PPARD: variants seen among roughly 807,000 people sequenced by gnomAD.
PPARD encodes peroxisome proliferator activated receptor delta, also known as peroxisome proliferator-activated receptor delta.
Under a neutral mutation model 39.5 loss-of-function variants are expected in PPARD, and 6 were observed. That is an observed-to-expected ratio of 0.15 (90% confidence interval 0.08 to 0.30). The LOEUF is 0.30. Ranked by LOEUF, PPARD falls within the 10% of genes least tolerant of loss-of-function variation. The pLI is 1.00. For synonymous variants in PPARD, 210 were observed against 231.3 expected (o/e 0.91, Z 0.83); for missense variants, 397 against 596.8 (o/e 0.67, Z 3.49).
chr6:35,385,981 AG>A (rs1489418730), intron 2 of PPARD, among the ~76,000 whole-genome samples: 4 of 152,062 alleles, frequency 2.6e-5, no homozygotes, highest in African/African-American at 9.7e-5. Flanking sequence ...CAGAGTGCAA[AG>A]CCCCCAGAGG....
chr6:35,347,385 G>A (rs376031840), intron 2 of PPARD, among the ~76,000 whole-genome samples: 10 of 151,996 alleles, frequency 6.6e-5, no homozygotes, highest in African/African-American at 1.9e-4. Flanking sequence ...CCACCTTTGC[G>A]CCCATTAAAA....
intron 2 of PPARD, among the ~76,000 whole-genome samples, chr6:35,407,808 A>G (rs1422378101): frequency 1.3e-5 from 2 of 151,892 alleles, no homozygotes; most frequent in Non-Finnish European, 2.9e-5. Context: ...TTAAAAAAAA[A>G]AAAAGCTGAC....
chr6:35,374,417 G>A lies in PPARD; in HGVS notation c.-102+27267G>A, dbSNP rs566772158. On this transcript the variant is annotated intron_variant, in intron 2 of 7. Coordinates refer to ENST00000360694, the MANE Select transcript of PPARD (RefSeq NM_006238.5). ...TCATGCCTGTAATCCCAGCACTTTGGGAGGCCGAGGCGGGCGGATCACAAG... is the reference window on the plus strand; with the variant it reads ...TCATGCCTGTAATCCCAGCACTTTGAGAGGCCGAGGCGGGCGGATCACAAG... Among the ~76,000 whole-genome samples the A allele has an allele frequency of 3.9e-5, 6 of 152,070 alleles. No individual in the cohort carries two copies. The South Asian group carries it at 1.2e-3, about 32-fold the overall frequency.
At chr6:35,395,588 A>T (rs550906266) in intron 2 of PPARD, among the ~76,000 whole-genome samples, 2 of 152,338 alleles carry the variant, frequency 1.3e-5, no homozygotes, top group East Asian at 3.9e-4. Flanking sequence ...CAGAGGTTTC[A>T]CCTAGAGAAG....
intron 2 of PPARD, among the ~76,000 whole-genome samples, chr6:35,397,977 C>T (rs1338230023): frequency 6.6e-6 from 1 of 152,066 alleles, no homozygotes; most frequent in Non-Finnish European, 1.5e-5. Flanking sequence ...CTGCAAAGGC[C>T]CACTGAAGGC....
chr6:35,405,000 T>TAC (rs1047997658), intron 2 of PPARD, among the ~76,000 whole-genome samples: 3 of 142,432 alleles, frequency 2.1e-5, no homozygotes, highest in East Asian at 4.3e-4. Flanking sequence ...TGTGTGTGTG[T>TAC]ACACACATAC....
At chr6:35,385,646 T>TAAAAA (rs66948740) in intron 2 of PPARD, among the ~76,000 whole-genome samples, 1 of 96,562 alleles carries the variant, frequency 1.0e-5, no homozygotes, top group Non-Finnish European at 1.8e-5. Context: ...TAAATAAATT[T>TAAAAA]AAAAAAAAAA....
At position 35,348,791 on chromosome 6, in the gene PPARD, GAGGGAGGAAGA is replaced by G. The variant is rs1277852656; in HGVS notation, c.-102+1646_-102+1656del. 7.1e-6 allele frequency: 7 copies of G among 985,342 alleles called. No individual in the cohort carries two copies. In the East Asian group the frequency reaches 6.8e-4, roughly 96 times the overall value. 61.0% of individuals were successfully genotyped at this position (985,342 alleles called of 1,614,324 possible). ...AAGTGCTTTCCTCTGAAGGGAATGT[GAGGGAGGAAGA>G]AGGGGGGAGTTTCAGAGACTTCTGA... On this transcript the variant is annotated intron_variant, in intron 2 of 7. Transcript: ENST00000360694.
At chr6:35,347,176 G>A (rs1156753004) in intron 2 of PPARD, 26 bp downstream of exon 2, 1 of 1,535,540 alleles carries the variant, frequency 6.5e-7, no homozygotes, top group African/African-American at 1.4e-5. Flanking sequence ...TTACTCAGGG[G>A]TCTCTGACCA....
At chr6:35,407,333 A>C (rs988044344) in intron 2 of PPARD, among the ~76,000 whole-genome samples, 14 of 150,344 alleles carry the variant, frequency 9.3e-5, no homozygotes, top group African/African-American at 2.7e-4. Flanking sequence ...TCATTGCCTC[A>C]TCCCACTCAC....
chr6:35,353,971 G>T (rs901286467), intron 2 of PPARD, among the ~76,000 whole-genome samples: 1 of 152,104 alleles, frequency 6.6e-6, no homozygotes, highest in Non-Finnish European at 1.5e-5. Context: ...CATGGCTCAC[G>T]CCTGTAATCT....
chr6:35,425,852 G>T lies in PPARD; in HGVS notation c.1099G>T (p.Val367Phe). 6.2e-7 allele frequency: 1 copy of T among 1,613,992 alleles called. No homozygotes were observed. Among genetic ancestry groups the T allele is most frequent in the Non-Finnish European group, 8.5e-7 (1 of 1,180,004 alleles). ...LCGDRPGLMN[V>F]PRVEAIQDTI... is the part of the protein sequence containing the mutation. ...CACAGACCGGCCAGGCCTCATGAAC[G>T]TTCCACGGGTGGAGGCTATCCAGGA... Residue 367 changes from valine to phenylalanine, a missense_variant, in exon 8 of 8, where the codon GTT becomes TTT. Physicochemically the swap from Val to Phe is conservative, Grantham distance 50 (BLOSUM62 -1). Transcript: ENST00000360694. The surrounding 1 kb of genome is among the most constrained non-coding windows in gnomAD (Gnocchi z 4.5).
At chr6:35,375,097 T>G (rs527591536) in intron 2 of PPARD, among the ~76,000 whole-genome samples, 1 of 152,240 alleles carries the variant, frequency 6.6e-6, no homozygotes, top group African/African-American at 2.4e-5. Context: ...AATCTGACAA[T>G]CTGTCTTAAG....
intron 2 of PPARD, among the ~76,000 whole-genome samples, chr6:35,405,584 G>T (rs184546141): frequency 1.3e-5 from 2 of 152,004 alleles, no homozygotes; most frequent in East Asian, 3.9e-4. Context: ...AAAAAGCCAG[G>T]GTTTTTTGCC....
chr6:35,373,673 C>CTTTCT (rs1762623661), intron 2 of PPARD, among the ~76,000 whole-genome samples: 1 of 145,390 alleles, frequency 6.9e-6, no homozygotes, highest in Admixed American at 6.8e-5. Context: ...TTCTTTCTTT[C>CTTTCT]TTTTTTTTTT....
At chr6:35,413,777 GGGCTCAAGCGATTCTCCTGCCTCA>G (rs996619160) in intron 3 of PPARD, among the ~76,000 whole-genome samples, 2 of 151,390 alleles carry the variant, frequency 1.3e-5, no homozygotes, top group African/African-American at 4.9e-5. Flanking sequence ...TCTGCCTCCC[GGGCTCAAGCGATTCTCCTGCCTCA>G]GCCTCCCAAG....
chr6:35,369,705 G>A (rs1762384647), intron 2 of PPARD, among the ~76,000 whole-genome samples: 4 of 152,206 alleles, frequency 2.6e-5, no homozygotes, highest in Admixed American at 2.0e-4. Flanking sequence ...TCATTCTTAT[G>A]AGAATATCTA....
At chr6:35,361,692 G>T (rs1582299990) in intron 2 of PPARD, among the ~76,000 whole-genome samples, 3 of 152,288 alleles carry the variant, frequency 2.0e-5, no homozygotes, top group Non-Finnish European at 1.5e-5. Flanking sequence ...GCAGGGCAGT[G>T]CAGCGAGGAA....
At chr6:35,369,652 G>C (rs565613559) in intron 2 of PPARD, among the ~76,000 whole-genome samples, 2 of 152,322 alleles carry the variant, frequency 1.3e-5, no homozygotes, top group Admixed American at 6.5e-5. Context: ...CTAGCAATTT[G>C]AATATAGTTT....
Sources: allele counts gnomAD v4.1 joint callset (sites outside exome capture counted in the v4.1 genomes callset), GRCh38; gene constraint gnomAD v4.1.1; non-coding constraint Gnocchi (gnomAD v3.1); transcripts MANE v1.5; gene names NCBI Gene and HGNC (gene_info 2026-07-23, HGNC 2026-07-21).